Variants in SERINC5 observed in about 807,000 individuals in gnomAD.
SERINC5 encodes chromosome 5 open reading frame 12.
Under a neutral mutation model 63.1 loss-of-function variants are expected in SERINC5, and 41 were observed. The ratio of observed to expected loss-of-function variants is 0.65; its 90% CI spans 0.51 to 0.84. SERINC5 has a LOEUF of 0.84. Ranked by LOEUF, SERINC5 falls within the 40% of genes least tolerant of loss-of-function variation. SERINC5 has a pLI of 0.00. For synonymous variants in SERINC5, 222 were observed against 215.2 expected (o/e 1.03, Z -0.28); for missense variants, 523 against 573.0 (o/e 0.91, Z 0.89).
chr5:80,232,266 T>A (rs956326132), intron 1 of SERINC5, among the ~76,000 whole-genome samples: 2 of 150,284 alleles, frequency 1.3e-5, no homozygotes, highest in Non-Finnish European at 1.5e-5. Context: ...AAGCCGGGCG[T>A]GGTGGCAGGC....
At chr5:80,239,665 C>T (rs1036529732) in intron 1 of SERINC5, among the ~76,000 whole-genome samples, 1 of 152,026 alleles carries the variant, frequency 6.6e-6, no homozygotes, top group East Asian at 1.9e-4. Flanking sequence ...ACAGACCATG[C>T]CCACCTTCCA....
downstream of SERINC5, among the ~76,000 whole-genome samples, chr5:80,137,721 T>A (rs374935392): frequency 8.5e-3 from 1,283 of 151,090 alleles, 21 homozygotes; most frequent in African/African-American, 0.03. Flanking sequence ...GCAGGATGAT[T>A]GCTTGAGGTC....
At chr5:80,254,132 C>G (rs952039189) in intron 1 of SERINC5, among the ~76,000 whole-genome samples, 2 of 152,156 alleles carry the variant, frequency 1.3e-5, no homozygotes, top group African/African-American at 4.8e-5. Flanking sequence ...CCACGTTGGT[C>G]AGGCTGGTCT....
At chr5:80,129,709 T>G (rs900165202) in intron 11 of SERINC5, among the ~76,000 whole-genome samples, 3 of 152,252 alleles carry the variant, frequency 2.0e-5, no homozygotes, top group African/African-American at 7.2e-5. Context: ...TTTCCATATA[T>G]AGATGTTCTA....
intron 2 of SERINC5, among the ~76,000 whole-genome samples, chr5:80,183,149 A>G (rs934218151): frequency 1.4e-5 from 2 of 145,938 alleles, no homozygotes; most frequent in African/African-American, 5.6e-5. Flanking sequence ...CAGGTGAAGA[A>G]GGTAACCCCA....
chr5:80,225,546 T>C (rs574465555), intron 1 of SERINC5, among the ~76,000 whole-genome samples: 1 of 152,288 alleles, frequency 6.6e-6, no homozygotes, highest in East Asian at 1.9e-4. Context: ...TTACCTTATT[T>C]TTGGAACTCA....
chr5:80,232,788 A>T (rs185440566), intron 1 of SERINC5, among the ~76,000 whole-genome samples: 3 of 152,132 alleles, frequency 2.0e-5, no homozygotes, highest in East Asian at 1.9e-4. Flanking sequence ...ATCTCAAAAA[A>T]AAAAAATAAA....
Position 80,178,053 on chromosome 5 carries a change from A to C in SERINC5, c.207T>G (p.Phe69Leu). The C allele has an allele frequency of 6.3e-7, 1 of 1,592,386 alleles. No individual in the cohort carries two copies. The highest frequency in any genetic ancestry group is 1.4e-5 in the African/African-American group (1 of 73,832). The change falls in exon 3 of 12, where the codon TTT (phenylalanine) becomes TTG (leucine). Residue 69 changes from phenylalanine to leucine, a missense_variant. Physicochemically the swap from Phe to Leu is conservative, Grantham distance 22. Coordinates refer to ENST00000507668, the MANE Select transcript of SERINC5 (RefSeq NM_001174072.3). Reference sequence around the variant, plus strand: ...CTTTAATGCCTTTACACATATCTTCAAAAAAAGGAATCTGAGGAGAAAGTT... The same window carrying C: ...CTTTAATGCCTTTACACATATCTTCCAAAAAAGGAATCTGAGGAGAAAGTT... ...AHKMKEHIPF[F>L]EDMCKGIKAG... is the part of the protein sequence containing the mutation.
intron 2 of SERINC5, among the ~76,000 whole-genome samples, chr5:80,178,643 G>C (rs982547130): frequency 1.4e-5 from 2 of 140,736 alleles, no homozygotes; most frequent in African/African-American, 2.7e-5. Flanking sequence ...GCATCCCAAA[G>C]TGCTGGGATC....
chr5:80,147,696 C>G (rs1196713152), intron 9 of SERINC5, among the ~76,000 whole-genome samples: 1 of 151,928 alleles, frequency 6.6e-6, no homozygotes, highest in Non-Finnish European at 1.5e-5. Flanking sequence ...TTCTCCCTCC[C>G]ACATGTGCTG....
intron 1 of SERINC5, among the ~76,000 whole-genome samples, chr5:80,230,779 CTCTT>C (rs35523095): frequency 0.45 from 67,012 of 149,776 alleles, 15,023 homozygotes; most frequent in Admixed American, 0.51. Context: ...TATAATTTCT[CTCTT>C]TCTTTCTTTC....
intron 1 of SERINC5, among the ~76,000 whole-genome samples, chr5:80,245,803 CG>C (rs1752142496): frequency 6.6e-6 from 1 of 151,346 alleles, no homozygotes; most frequent in African/African-American, 2.4e-5. Flanking sequence ...TTAGTAGAGA[CG>C]GGGCTTCACC....
At chr5:80,177,287 A>G in intron 4 of SERINC5, 28 bp downstream of exon 4, 1 of 1,529,900 alleles carries the variant, frequency 6.5e-7, no homozygotes, top group Non-Finnish European at 9.0e-7. Flanking sequence ...AACAAAATAA[A>G]CAGATACCCA....
chr5:80,176,823 T>C (rs1191193043), intron 4 of SERINC5, among the ~76,000 whole-genome samples: 2 of 152,152 alleles, frequency 1.3e-5, no homozygotes, highest in Non-Finnish European at 2.9e-5. Flanking sequence ...GGTTTTTCCC[T>C]CAGCTCATAT....
chr5:80,194,676 A>AGGG (rs1404768526), intron 2 of SERINC5, among the ~76,000 whole-genome samples: 2 of 152,318 alleles, frequency 1.3e-5, no homozygotes, highest in Admixed American at 1.3e-4. Flanking sequence ...ATCGCTGCTG[A>AGGG]GGGCCCCAGG....
intron 5 of SERINC5, among the ~76,000 whole-genome samples, chr5:80,173,231 A>C (rs199522457): frequency 1.4e-5 from 1 of 73,684 alleles, no homozygotes; most frequent in African/African-American, 8.7e-5. Context: ...GGAAAGAAGG[A>C]AGGAAGGAAG....
intron 1 of SERINC5, among the ~76,000 whole-genome samples, chr5:80,223,356 CATA>C (rs1561437648): frequency 6.6e-6 from 1 of 152,136 alleles, no homozygotes; most frequent in East Asian, 1.9e-4. Context: ...CTAGATTACT[CATA>C]ATACCTGATA....
intron 8 of SERINC5, among the ~76,000 whole-genome samples, chr5:80,154,799 T>G (rs999458047): frequency 6.6e-6 from 1 of 152,194 alleles, no homozygotes; most frequent in African/African-American, 2.4e-5. Context: ...TTTTCAAAGA[T>G]GGTTCAATAT....
intron 5 of SERINC5, among the ~76,000 whole-genome samples, 166 bp from the exon 6 acceptor site, chr5:80,169,712 CTCA>C (rs1386571718): frequency 6.6e-6 from 1 of 152,218 alleles, no homozygotes; most frequent in Non-Finnish European, 1.5e-5. Flanking sequence ...AGTGATTATG[CTCA>C]TCAAAGCTAG....
Sources: allele counts gnomAD v4.1 joint callset (sites outside exome capture counted in the v4.1 genomes callset), GRCh38; gene constraint gnomAD v4.1.1; transcripts MANE v1.5; gene names NCBI Gene and HGNC (gene_info 2026-07-23, HGNC 2026-07-21).